The following CCNY variants were observed in gnomAD, a reference collection of about 807,000 sequenced individuals.
The protein encoded by CCNY is cyclin-Y.
Under a neutral mutation model 42.8 loss-of-function variants are expected in CCNY, and 19 were observed. That is an observed-to-expected ratio of 0.44 (90% CI 0.31 to 0.65). CCNY has a LOEUF of 0.65. Ranked by LOEUF, CCNY falls within the 30% of genes least tolerant of loss-of-function variation. The probability of loss-of-function intolerance (pLI) is 0.07; values close to 1 mark genes in which losing one functional copy is unlikely to be tolerated. For synonymous variants in CCNY, 165 were observed against 162.7 expected, an observed-to-expected ratio of 1.01 and a Z score of -0.11; for missense variants, 370 against 437.3, an observed-to-expected ratio of 0.85 and a Z score of 1.37.
intron 3 of CCNY, among the ~76,000 whole-genome samples, chr10:35,301,931 C>G (rs1013703657): frequency 6.8e-6 from 1 of 147,524 alleles, no homozygotes; most frequent in African/African-American, 2.5e-5. Flanking sequence ...CCCCGCCCAG[C>G]CTTCATTGTT....
chr10:35,526,994 C>T (rs894981032), intron 5 of CCNY, among the ~76,000 whole-genome samples: 2 of 152,006 alleles, frequency 1.3e-5, no homozygotes, highest in Admixed American at 1.3e-4. Flanking sequence ...CACACGTTGT[C>T]GGTTTACAAA....
At chr10:35,559,635 G>A (rs1034211785) in intron 8 of CCNY, among the ~76,000 whole-genome samples, 1 of 152,252 alleles carries the variant, frequency 6.6e-6, no homozygotes, top group African/African-American at 2.4e-5. Flanking sequence ...AGCGCTGCCG[G>A]CTTGCACCAA....
At chr10:35,521,450 G>A (rs966549155) in intron 4 of CCNY, among the ~76,000 whole-genome samples, 4 of 152,210 alleles carry the variant, frequency 2.6e-5, no homozygotes. Flanking sequence ...GCTCGCCAGG[G>A]TTAATTGATC....
chr10:35,381,657 A>G (rs1837188696), intron 1 of CCNY, among the ~76,000 whole-genome samples: 1 of 152,174 alleles, frequency 6.6e-6, no homozygotes, highest in African/African-American at 2.4e-5. Flanking sequence ...ATGGGGATTC[A>G]GCTGCTTGCA....
chr10:35,525,382 G>GGAAT (rs1840632521), intron 4 of CCNY, among the ~76,000 whole-genome samples: 1 of 152,034 alleles, frequency 6.6e-6, no homozygotes, highest in Non-Finnish European at 1.5e-5. Context: ...TTCAGGGAAG[G>GGAAT]GAATGTAATT....
At chr10:35,531,421 C>T (rs1840768561) in intron 7 of CCNY, among the ~76,000 whole-genome samples, 2 of 152,210 alleles carry the variant, frequency 1.3e-5, no homozygotes, top group Admixed American at 1.3e-4. Flanking sequence ...TTCATTCCTT[C>T]TCATTGAACT....
intron 1 of CCNY, among the ~76,000 whole-genome samples, chr10:35,466,160 G>T (rs1329931299): frequency 6.6e-6 from 1 of 152,054 alleles, no homozygotes; most frequent in Non-Finnish European, 1.5e-5. Context: ...CAAACCAGTG[G>T]TTATAGGGAT....
At chr10:35,458,884 A>C (rs1839095685) in intron 1 of CCNY, among the ~76,000 whole-genome samples, 1 of 152,178 alleles carries the variant, frequency 6.6e-6, no homozygotes, top group Admixed American at 6.5e-5. Flanking sequence ...CTAAAGAACG[A>C]GAGAGTGTCC....
chr10:35,308,765 C>A (rs936818251), intron 3 of CCNY, among the ~76,000 whole-genome samples: 1 of 152,150 alleles, frequency 6.6e-6, no homozygotes, highest in Non-Finnish European at 1.5e-5. Flanking sequence ...AAGGAAGTAG[C>A]AGCCATGCGG....
At chr10:35,287,856 A>G (rs982903493) in intron 3 of CCNY, among the ~76,000 whole-genome samples, 2 of 152,096 alleles carry the variant, frequency 1.3e-5, no homozygotes, top group Non-Finnish European at 2.9e-5. Context: ...GGGTTTCAGC[A>G]TGTTGGCCAC....
upstream of CCNY, among the ~76,000 whole-genome samples, chr10:35,331,808 G>A (rs147113653): frequency 1.0e-3 from 158 of 152,284 alleles, 1 homozygote; most frequent in African/African-American, 3.6e-3. Flanking sequence ...ATGCCCAGGC[G>A]ATAAATGTAG....
At chr10:35,459,224 A>G (rs949740343) in intron 1 of CCNY, among the ~76,000 whole-genome samples, 17 of 152,318 alleles carry the variant, frequency 1.1e-4, no homozygotes, top group African/African-American at 4.1e-4. Flanking sequence ...CAGAGCTGAG[A>G]GTCAAGAGGC....
chr10:35,504,613 T>A (rs952887008), intron 3 of CCNY, among the ~76,000 whole-genome samples: 2 of 152,036 alleles, frequency 1.3e-5, no homozygotes, highest in African/African-American at 4.8e-5. Flanking sequence ...AGTGAACAGG[T>A]ATAGGAAGGT....
chr10:35,290,063 A>C (rs1173102417), intron 3 of CCNY, among the ~76,000 whole-genome samples: 2 of 151,614 alleles, frequency 1.3e-5, no homozygotes, highest in East Asian at 1.9e-4. Flanking sequence ...GCTGTCTACT[A>C]AAAATACAAA....
intron 1 of CCNY, among the ~76,000 whole-genome samples, chr10:35,350,418 A>C (rs116505255): frequency 6.6e-6 from 1 of 152,022 alleles, no homozygotes; most frequent in Non-Finnish European, 1.5e-5. Context: ...TTGAGAGTCT[A>C]TTCTGATGAG....
intron 1 of CCNY, among the ~76,000 whole-genome samples, chr10:35,427,802 C>G (rs1368553751): frequency 6.6e-6 from 1 of 152,128 alleles, no homozygotes; most frequent in Non-Finnish European, 1.5e-5. Flanking sequence ...GTTAAACCTT[C>G]CCTGCAGGAA....
chr10:35,406,644 C>T (rs925953497), intron 1 of CCNY, among the ~76,000 whole-genome samples: 26 of 152,330 alleles, frequency 1.7e-4, no homozygotes, highest in Admixed American at 4.6e-4. Flanking sequence ...TACACAGACA[C>T]GGCAACCATC....
At chr10:35,533,114 A>G (rs1003164307) in intron 7 of CCNY, among the ~76,000 whole-genome samples, 2 of 152,132 alleles carry the variant, frequency 1.3e-5, no homozygotes, top group African/African-American at 4.8e-5. Flanking sequence ...GTGGCAGGAC[A>G]GTATTAATAG....
chr10:35,275,172 T>C (rs2135047450), intron 3 of CCNY, among the ~76,000 whole-genome samples: 1 of 150,020 alleles, frequency 6.7e-6, no homozygotes, highest in Non-Finnish European at 1.5e-5. Context: ...CAAGCAATTC[T>C]TCTACCTCAG....
Sources: gnomAD v4.1 joint callset for allele counts (sites outside exome capture counted in the v4.1 genomes callset) on GRCh38, gnomAD v4.1.1 for gene constraint, MANE v1.5 for transcripts, NCBI Gene and HGNC (gene_info 2026-07-23, HGNC 2026-07-21) for gene names.